SHANK2: variants seen among roughly 807,000 people sequenced by gnomAD.
The protein encoded by SHANK2 is SH3 and multiple ankyrin repeat domains 2.
Under a neutral mutation model 133.7 loss-of-function variants are expected in SHANK2, and 43 were observed. The observed-to-expected ratio is 0.32, with a 90% CI of 0.25 to 0.41. SHANK2 has a LOEUF of 0.41. Among genes scored for constraint, SHANK2 ranks in the 10% least tolerant of loss-of-function variants. The pLI, the probability that SHANK2 is intolerant of heterozygous loss-of-function variation, is 1.00. For synonymous variants in SHANK2, 1,017 were observed against 952.8 expected (o/e 1.07, Z -1.24); for missense variants, 1,994 against 2,235.8 (o/e 0.89, Z 2.18).
At chr11:71,106,774 C>A (rs782214716) in intron 6 of SHANK2, among the ~76,000 whole-genome samples, 1 of 149,284 alleles carries the variant, frequency 6.7e-6, no homozygotes, top group Non-Finnish European at 1.5e-5. Flanking sequence ...AGCTGTGATC[C>A]TGCCAGCCTG....
At chr11:70,760,088 G>A (rs1946960345) in intron 14 of SHANK2, among the ~76,000 whole-genome samples, 1 of 152,208 alleles carries the variant, frequency 6.6e-6, no homozygotes. Context: ...GACATACAGA[G>A]CCTGACTGTA....
At chr11:71,090,292 T>TCC (rs1181686862) in intron 8 of SHANK2, among the ~76,000 whole-genome samples, 1 of 68,386 alleles carries the variant, frequency 1.5e-5, no homozygotes, top group Non-Finnish European at 2.9e-5. Flanking sequence ...TGTGTGTGTG[T>TCC]CCTGCTGCTT....
At chr11:70,795,412 T>TC (rs1197370150) in intron 14 of SHANK2, among the ~76,000 whole-genome samples, 11 of 147,588 alleles carry the variant, frequency 7.5e-5, no homozygotes, top group South Asian at 2.2e-4. Flanking sequence ...TTTTTCTTTT[T>TC]TTTTTTTTTT....
chr11:70,569,990 T>C lies in SHANK2; in HGVS notation c.2062-67059A>G, dbSNP rs374045648. Among the ~76,000 whole-genome samples, 9 of 151,626 alleles carry C rather than the reference T, an allele frequency of 5.9e-5. No homozygotes were observed. The East Asian group carries it at 1.2e-3, about 20-fold the overall frequency. The stretch of plus-strand genomic sequence containing the variant: ...AGACAGAGACAGGCCCCCAGCACCA[T>C]TGTGGACTCCTGCCTCCAGCTGTTG... On this transcript the variant is annotated intron_variant, in intron 17 of 25. Coordinates refer to ENST00000601538, the MANE Select transcript of SHANK2 (RefSeq NM_012309.5). The surrounding 1 kb of genome is among the most constrained non-coding windows in gnomAD (Gnocchi z 5.1).
intron 8 of SHANK2, among the ~76,000 whole-genome samples, chr11:71,076,487 A>G (rs1262092461): frequency 4.6e-5 from 6 of 130,900 alleles, no homozygotes; most frequent in African/African-American, 1.6e-4. Context: ...GAGCTATAAA[A>G]ACAAAACAAA....
intron 3 of SHANK2, among the ~76,000 whole-genome samples, chr11:71,122,155 C>T (rs1402206474): frequency 6.6e-6 from 1 of 152,168 alleles, no homozygotes; most frequent in Non-Finnish European, 1.5e-5. Context: ...GGTATATACC[C>T]AAAGGATTAT....
rs572871535 is a variant in SHANK2 at position 70,578,384 on chromosome 11, C to T, written c.2062-75453G>A. 7.2e-5 allele frequency among the ~76,000 whole-genome samples: 11 copies of T among 152,306 alleles called. 1 individual carries two copies. In the South Asian group the frequency reaches 2.1e-3, roughly 29 times the overall value. The stretch of plus-strand genomic sequence containing the variant: ...AGTGGGTTTCAGGAATGGCACCTTC[C>T]CTGCTCACCTGAGGATGGTGATGTT... On this transcript the variant is annotated intron_variant, in intron 17 of 25. Transcript: ENST00000601538.
At chr11:70,924,444 G>T (rs570551421) in intron 10 of SHANK2, among the ~76,000 whole-genome samples, 2 of 152,240 alleles carry the variant, frequency 1.3e-5, no homozygotes, top group East Asian at 3.9e-4. Flanking sequence ...CCATGCCCTT[G>T]CCTGATACTT....
rs781906747 is a variant in SHANK2 at position 70,820,627 on chromosome 11, C to A, written c.1230G>T (p.Thr410=). ...YSNRRRRPPN[T]LAAPRVLLRS... ...GCAGCAGGACCCGGGGGGCGGCCAG[C>A]GTGTTGGGGGGCCGCCGCCGGCGGT... Residue 410 remains threonine, a synonymous_variant, in exon 12 of 26, where the codon ACG becomes ACT. Transcript: ENST00000601538. 5.6e-6 allele frequency: 4 copies of A among 711,108 alleles called. No individual in the cohort carries two copies. The highest frequency in any genetic ancestry group is 3.0e-5 in the South Asian group (2 of 67,156). 44.0% of individuals were successfully genotyped at this position (711,108 alleles called of 1,614,324 possible). A position where few individuals can be genotyped will look rare whatever the true frequency, so the allele number is the denominator to read the frequency against.
intron 14 of SHANK2, among the ~76,000 whole-genome samples, chr11:70,710,506 C>T (rs574317772): frequency 2.0e-5 from 3 of 152,316 alleles, no homozygotes; most frequent in South Asian, 2.1e-4. Context: ...CCTAGACCTT[C>T]GCCCCCTGGC....
intron 19 of SHANK2, 33 bp from the exon 20 acceptor site, chr11:70,501,964 A>C (rs563436253): frequency 6.4e-7 from 1 of 1,553,058 alleles, no homozygotes; most frequent in South Asian, 1.2e-5. Context: ...AAAACAAAAC[A>C]ATGTTAGATA....
intron 14 of SHANK2, among the ~76,000 whole-genome samples, chr11:70,788,377 A>G (rs1947715114): frequency 6.6e-6 from 1 of 152,206 alleles, no homozygotes; most frequent in South Asian, 2.1e-4. Context: ...TATTGAACAG[A>G]AAAGTCCAGA....
intron 25 of SHANK2, chr11:70,474,879 G>C (rs1309268283): frequency 6.6e-6 from 1 of 152,284 alleles, no homozygotes; most frequent in Non-Finnish European, 1.5e-5. Flanking sequence ...ACATGAAGTG[G>C]GCTCCTCTCC....
At chr11:71,060,200 C>CTTA (rs1467934896) in intron 9 of SHANK2, among the ~76,000 whole-genome samples, 1 of 152,208 alleles carries the variant, frequency 6.6e-6, no homozygotes, top group African/African-American at 2.4e-5. Flanking sequence ...GCTACTGGCA[C>CTTA]TTACTGGGTT....
At chr11:70,734,967 C>T (rs1431574742) in intron 14 of SHANK2, among the ~76,000 whole-genome samples, 5 of 152,216 alleles carry the variant, frequency 3.3e-5, no homozygotes, top group Non-Finnish European at 7.3e-5. Flanking sequence ...TTCTGGGTTG[C>T]CCTGGAGACG....
intron 7 of SHANK2, among the ~76,000 whole-genome samples, chr11:71,093,928 A>G (rs1590904298): frequency 6.6e-6 from 1 of 151,912 alleles, no homozygotes; most frequent in African/African-American, 2.4e-5. Flanking sequence ...GGCGTGCACC[A>G]CCCTGTCCAG....
intron 14 of SHANK2, among the ~76,000 whole-genome samples, chr11:70,712,418 C>A (rs1482059813): frequency 6.6e-6 from 1 of 152,190 alleles, no homozygotes; most frequent in Non-Finnish European, 1.5e-5. Context: ...CTATTGTGCC[C>A]ACCATAACCA....
intron 8 of SHANK2, among the ~76,000 whole-genome samples, chr11:71,086,316 ATATGT>A (rs1395007913): frequency 1.7e-5 from 2 of 119,984 alleles, no homozygotes; most frequent in Admixed American, 1.0e-4. Flanking sequence ...AAGATATAGT[ATATGT>A]TATATTATAT....
chr11:70,668,559 C>T, intron 15 of SHANK2: 1 of 152,374 alleles, frequency 6.6e-6, no homozygotes, highest in African/African-American at 2.4e-5. Flanking sequence ...TTGTTTTGAG[C>T]CCCCTAGTCT....
Sources: gnomAD v4.1 joint callset for allele counts (sites outside exome capture counted in the v4.1 genomes callset) on GRCh38, gnomAD v4.1.1 for gene constraint, Gnocchi (gnomAD v3.1) non-coding constraint, MANE v1.5 for transcripts, NCBI Gene and HGNC (gene_info 2026-07-23, HGNC 2026-07-21) for gene names.